Variants in MED13L observed in about 807,000 individuals in gnomAD.
MED13L encodes mediator complex subunit 13L, also known as mediator of RNA polymerase II transcription subunit 13-like.
A neutral mutation model predicts 220.9 loss-of-function variants in MED13L; 7 were observed. The ratio of observed to expected loss-of-function variants is 0.03; its 90% CI spans 0.02 to 0.06. MED13L has a LOEUF of 0.06. MED13L is among the 10% of genes least tolerant of loss of function. MED13L has a pLI of 1.00. For missense variants in MED13L, 1,965 were observed against 2,760.5 expected (o/e 0.71, Z 6.46); for synonymous variants, 1,011 against 1,015.2 (o/e 1.00, Z 0.08).
intron 2 of MED13L, among the ~76,000 whole-genome samples, chr12:116,183,808 GTGTGTGTGTGTA>G (rs1207148845): frequency 4.2e-4 from 41 of 97,434 alleles, no homozygotes; most frequent in African/African-American, 1.1e-3. Context: ...AAAATGGTGT[GTGTGTGTGTGTA>G]TGTGTGTGTG....
At chr12:116,063,546 C>A (rs1047790165) in intron 4 of MED13L, among the ~76,000 whole-genome samples, 10 of 152,024 alleles carry the variant, frequency 6.6e-5, no homozygotes, top group Non-Finnish European at 2.9e-5. Flanking sequence ...AATCAAAAAG[C>A]ATTGTTTGGA....
chr12:115,996,663 T>G lies in MED13L; in HGVS notation c.2809A>C (p.Lys937Gln), dbSNP rs758431231. ...EEIKDFSYVHKVPSFQPFVGS... is the reference protein window; with the variant it reads ...EEIKDFSYVHQVPSFQPFVGS... The stretch of plus-strand genomic sequence containing the variant: ...ACAAAAGGTTGAAAGGATGGAACTT[T>G]GTGCACATATGAAAAGTCCTGTGAC... The change falls in exon 16 of 31, where the codon AAA becomes CAA. Residue 937 changes from lysine to glutamine, a missense_variant. Transcript: ENST00000281928. 1 of 1,613,978 alleles carries G rather than the reference T, an allele frequency of 6.2e-7. No homozygotes were observed. Among genetic ancestry groups the G allele is most frequent in the Non-Finnish European group, 8.5e-7 (1 of 1,179,882 alleles).
At position 115,991,734 on chromosome 12, in the gene MED13L, A is replaced by G. The variant is rs780197780; in HGVS notation, c.3220T>C (p.Tyr1074His). 6 of 1,613,946 alleles carry G rather than the reference A, an allele frequency of 3.7e-6. No homozygotes were observed. Among genetic ancestry groups the G allele is most frequent in the Non-Finnish European group, 5.1e-6 (6 of 1,179,938 alleles). Reference protein sequence around the residue: ...GTASGQGSVKYDSTDQGSPAS... With the variant: ...GTASGQGSVKHDSTDQGSPAS... ...GGTGATCCTTGATCGGTGCTATCAT[A>G]CTTAACAGACCCTTGACCACTGGCA... Residue 1074 changes from tyrosine to histidine, a missense_variant, in exon 17 of 31, where the codon TAT (tyrosine) becomes CAT (histidine). By Grantham distance (83) the Tyr-to-His change is moderately conservative (BLOSUM62 2). Transcript: ENST00000281928. The surrounding 1 kb of genome is among the most constrained non-coding windows in gnomAD (Gnocchi z 7.7).
chr12:116,264,883 C>G (rs1364978168), intron 1 of MED13L, among the ~76,000 whole-genome samples: 2 of 152,146 alleles, frequency 1.3e-5, no homozygotes, highest in Non-Finnish European at 2.9e-5. Context: ...ATTCCAGCTA[C>G]TCCAGAGGCT....
intron 2 of MED13L, among the ~76,000 whole-genome samples, chr12:116,139,160 C>T (rs1379388785): frequency 6.6e-6 from 1 of 151,968 alleles, no homozygotes; most frequent in South Asian, 2.1e-4. Context: ...TAAGCAAAGA[C>T]CCCCTGAGTC....
At chr12:116,134,687 A>G (rs1876377408) in intron 2 of MED13L, among the ~76,000 whole-genome samples, 1 of 152,164 alleles carries the variant, frequency 6.6e-6, no homozygotes, top group South Asian at 2.1e-4. Flanking sequence ...TAAGTCTTTT[A>G]CCTTATTTAC....
At chr12:116,213,371 T>G (rs1020909777) in intron 2 of MED13L, among the ~76,000 whole-genome samples, 4 of 149,912 alleles carry the variant, frequency 2.7e-5, no homozygotes, top group African/African-American at 9.9e-5. Context: ...CTACTAAAAT[T>G]ATTTGCAAGT....
chr12:116,272,445 C>T (rs1873451592), intron 1 of MED13L, among the ~76,000 whole-genome samples: 1 of 152,110 alleles, frequency 6.6e-6, no homozygotes, highest in Admixed American at 6.5e-5. Flanking sequence ...CGCCTGTAAT[C>T]CCAGCTCCTG....
chr12:116,056,286 T>G lies in MED13L; in HGVS notation c.480-33685A>C, dbSNP rs189394860. Among the ~76,000 whole-genome samples the G allele has an allele frequency of 4.9e-4, 37 of 75,704 alleles. No homozygotes were observed. The East Asian group carries it at 7.0e-3, about 14-fold the overall frequency. 49.7% of individuals were successfully genotyped at this position (75,704 alleles called of 152,430 possible). The stretch of plus-strand genomic sequence containing the variant: ...AGTTTCTTTTCTTGTTTTTTGTTTG[T>G]TTTTTTTTTGAGACAAAGTCTTACT... On this transcript the variant is annotated intron_variant, in intron 4 of 30. Transcript: ENST00000281928.
At chr12:115,984,995 GC>G (rs759493641) in intron 19 of MED13L, among the ~76,000 whole-genome samples, 1 of 152,204 alleles carries the variant, frequency 6.6e-6, no homozygotes, top group East Asian at 1.9e-4. Context: ...CAGCAGGAGA[GC>G]CCGTATTATT....
At chr12:116,102,710 C>CTTTTTTCTTTTTTTTTTT (rs1873187227) in intron 3 of MED13L, among the ~76,000 whole-genome samples, 1 of 68,676 alleles carries the variant, frequency 1.5e-5, no homozygotes, top group African/African-American at 5.7e-5. Context: ...TTTCTTTTTT[C>CTTTTTTCTTTTTTTTTTT]TTTTTTTTTT....
intron 2 of MED13L, among the ~76,000 whole-genome samples, chr12:116,162,982 C>T (rs995000731): frequency 1.3e-5 from 2 of 152,166 alleles, no homozygotes; most frequent in African/African-American, 4.8e-5. Context: ...TCAAGTGATC[C>T]TTCCACCTCA....
intron 4 of MED13L, among the ~76,000 whole-genome samples, chr12:116,086,653 A>C (rs1183852364): frequency 6.6e-6 from 1 of 152,188 alleles, no homozygotes; most frequent in African/African-American, 2.4e-5. Flanking sequence ...AAAATCCTAA[A>C]TGAAGCATGC....
chr12:116,253,440 A>T (rs569200028), intron 1 of MED13L, among the ~76,000 whole-genome samples: 1 of 152,244 alleles, frequency 6.6e-6, no homozygotes, highest in Non-Finnish European at 1.5e-5. Flanking sequence ...ACTATTTCCC[A>T]AACTATTTTA....
chr12:115,982,129 G>C (rs1176464497), intron 22 of MED13L: 4 of 460,628 alleles, frequency 8.7e-6, no homozygotes, highest in East Asian at 4.0e-5. Context: ...ATTACCTTCA[G>C]GTTATGTGTG....
At chr12:116,242,787 A>T (rs898787020) in intron 1 of MED13L, among the ~76,000 whole-genome samples, 3 of 152,240 alleles carry the variant, frequency 2.0e-5, no homozygotes, top group African/African-American at 7.2e-5. Flanking sequence ...CCACACAGGT[A>T]GCAAATGGCA....
At chr12:116,154,233 C>T (rs1041478733) in intron 2 of MED13L, among the ~76,000 whole-genome samples, 2 of 151,992 alleles carry the variant, frequency 1.3e-5, no homozygotes, top group Admixed American at 1.3e-4. Flanking sequence ...CAGCAAGTAC[C>T]CAGGAGAAAG....
chr12:116,169,036 G>GTAGA (rs1879490519), intron 2 of MED13L: 1 of 152,312 alleles, frequency 6.6e-6, no homozygotes, highest in African/African-American at 2.4e-5. Flanking sequence ...AGCCCACGGA[G>GTAGA]TAGACATTAT....
At chr12:116,132,109 T>A (rs1392050216) in intron 2 of MED13L, among the ~76,000 whole-genome samples, 1 of 151,632 alleles carries the variant, frequency 6.6e-6, no homozygotes, top group Non-Finnish European at 1.5e-5. Context: ...TGAAACCCCG[T>A]CTCTACAAAA....
Sources: gnomAD v4.1 joint callset for allele counts (sites outside exome capture counted in the v4.1 genomes callset) on GRCh38, gnomAD v4.1.1 for gene constraint, Gnocchi (gnomAD v3.1) non-coding constraint, MANE v1.5 for transcripts, NCBI Gene and HGNC (gene_info 2026-07-23, HGNC 2026-07-21) for gene names.